The following XPC variants were observed in gnomAD, a reference collection of about 807,000 sequenced individuals.
XPC encodes the protein XPC complex subunit, DNA damage recognition and repair factor, also known as DNA repair protein complementing XP-C cells.
A neutral mutation model predicts 95.8 loss-of-function variants in XPC; 76 were observed. The observed-to-expected ratio is 0.79, with a 90% CI of 0.66 to 0.96. The LOEUF is 0.96. Ranked by LOEUF, XPC falls within the 40% of genes least tolerant of loss-of-function variation. The pLI is 0.00. For synonymous variants in XPC, 442 were observed against 442.1 expected (o/e 1.00, Z 0.00); for missense variants, 1,146 against 1,179.8 (o/e 0.97, Z 0.42).
chr3:14,153,220 G>A (rs1002718549), intron 10 of XPC: 1 of 152,294 alleles, frequency 6.6e-6, no homozygotes, highest in Non-Finnish European at 1.5e-5. Flanking sequence ...CACAATGGAT[G>A]GAGGTTGAAC....
intron 5 of XPC, among the ~76,000 whole-genome samples, chr3:14,166,529 C>T (rs1696386415): frequency 6.7e-6 from 1 of 148,734 alleles, no homozygotes; most frequent in South Asian, 2.2e-4. Flanking sequence ...CACCCCCCAA[C>T]ACCTACATAC....
chr3:14,169,087 GAA>G (rs1388859491), intron 3 of XPC, among the ~76,000 whole-genome samples: 14 of 151,978 alleles, frequency 9.2e-5, no homozygotes, highest in Non-Finnish European at 1.9e-4. Context: ...GCTTCTTGAA[GAA>G]AAAAAGGCTG....
chr3:14,146,687 C>CA (rs1007918149), intron 15 of XPC, among the ~76,000 whole-genome samples: 2 of 151,958 alleles, frequency 1.3e-5, no homozygotes, highest in Admixed American at 6.6e-5. Context: ...AGGAGCGTGA[C>CA]AAAAAAATGT....
At chr3:14,159,924 G>A in intron 7 of XPC, 94 bp from the exon 8 acceptor site, 2 of 1,248,964 alleles carry the variant, frequency 1.6e-6, no homozygotes, top group Non-Finnish European at 2.3e-6. Context: ...TTCAAGACAG[G>A]GAAAAGCTGG....
intron 1 of XPC, among the ~76,000 whole-genome samples, chr3:14,176,245 G>A (rs901588102): frequency 6.6e-6 from 1 of 152,194 alleles, no homozygotes; most frequent in Admixed American, 6.5e-5. Flanking sequence ...GATTAAAACC[G>A]TAAATTTTTA....
chr3:14,178,341 C>T (rs1696924823), intron 1 of XPC, 125 bp downstream of exon 1: 4 of 1,149,514 alleles, frequency 3.5e-6, no homozygotes, highest in Non-Finnish European at 4.7e-6. Flanking sequence ...CCGGGCTGCC[C>T]CCACGGCGCG....
intron 11 of XPC, among the ~76,000 whole-genome samples, chr3:14,150,615 C>T (rs1286625953): frequency 1.3e-5 from 2 of 152,226 alleles, no homozygotes; most frequent in African/African-American, 4.8e-5. Context: ...GGAGCGAGGA[C>T]AGTCTTTGCT....
intron 7 of XPC, among the ~76,000 whole-genome samples, chr3:14,160,297 G>A (rs959780997): frequency 3.0e-4 from 45 of 152,240 alleles, no homozygotes; most frequent in African/African-American, 9.6e-4. Context: ...TATCATTATC[G>A]TCAGATCACC....
rs1468050648 is a variant in XPC, at chr3:14,147,954, G to C, written c.2468C>G (p.Thr823Ser). 2 of 1,603,290 alleles carry C rather than the reference G, an allele frequency of 1.2e-6. No individual in the cohort carries two copies. The highest frequency in any genetic ancestry group is 1.7e-6 in the Non-Finnish European group (2 of 1,174,634). ...GACTGCCTGCTCATTTTCCCAGGCA[G>C]TCAGGAGCACGTCTTTGAATTCCTC... ...VCEEFKDVLL[T>S]AWENEQAVIE... The change falls in exon 14 of 16, where the codon ACT becomes AGT. Residue 823 changes from threonine (T) to serine (S), a missense_variant. Physicochemically the swap from Thr to Ser is moderately conservative, Grantham distance 58. Coordinates refer to ENST00000285021, the MANE Select transcript of XPC (RefSeq NM_004628.5).
intron 15 of XPC, 117 bp downstream of exon 15, chr3:14,147,173 T>C: frequency 9.1e-7 from 1 of 1,098,290 alleles, no homozygotes. Context: ...TGAGGTGTCC[T>C]AACACAAAGC....
intron 11 of XPC, among the ~76,000 whole-genome samples, chr3:14,150,780 G>C (rs1370137799): frequency 2.0e-5 from 3 of 152,226 alleles, no homozygotes; most frequent in Non-Finnish European, 4.4e-5. Flanking sequence ...CCTGAGCAGA[G>C]GCTTAAAGGG....
intron 5 of XPC, among the ~76,000 whole-genome samples, chr3:14,166,489 G>A (rs1226770590): frequency 2.0e-5 from 3 of 151,930 alleles, no homozygotes; most frequent in African/African-American, 7.3e-5. Flanking sequence ...TCCATCAAAG[G>A]GAAACCAAAG....
chr3:14,145,866 G>A lies in XPC; in HGVS notation c.*75C>T, dbSNP rs1695405300. ...AGAAGCCCCCACCACCAGGGGCTGG[G>A]CATGCCCAGGGCAGGTGTGGGGCCT... On this transcript the variant is annotated 3_prime_UTR_variant, in exon 16 of 16. Transcript: ENST00000285021. 1 of 1,533,314 alleles carries A rather than the reference G, an allele frequency of 6.5e-7. No homozygotes were observed. The highest frequency in any genetic ancestry group is 8.9e-7 in the Non-Finnish European group (1 of 1,124,468). The allele number at this position is 1,533,314 out of a possible 1,614,324, so 95.0% of individuals were successfully genotyped here.
Position 14,158,147 on chromosome 3 carries a change from C to T in XPC, c.1736G>A (p.Arg579Gln). ...VVGIDSDGWV[R>Q]DVTQRYDPVW... ...TGGGTCGTACCTCTGTGTGACATCT[C>T]GGACCCAGCCGTCACTGTCAATGCC... Residue 579 changes from arginine to glutamine, a missense_variant, in exon 9 of 16, where the codon CGA becomes CAA. By Grantham distance (43) the Arg-to-Gln change is conservative. Transcript: ENST00000285021. This position sits in a 1 kb window ranked among gnomAD's most constrained non-coding sequence, Gnocchi z 5.2. 1.9e-6 allele frequency: 3 copies of T among 1,613,956 alleles called. No individual in the cohort carries two copies. Among genetic ancestry groups the T allele is most frequent in the African/African-American group, 1.3e-5 (1 of 75,030 alleles).
In XPC at chr3:14,149,056, G is replaced by A; in HGVS notation, c.2116-108C>T. 3 of 1,471,726 alleles carry A rather than the reference G, an allele frequency of 2.0e-6. 1 individual carries two copies. The highest frequency in any genetic ancestry group is 2.6e-5 in the South Asian group (2 of 77,110). 91.2% of individuals were successfully genotyped at this position (1,471,726 alleles called of 1,614,324 possible). On this transcript the variant is annotated intron_variant, in intron 11 of 15. Coordinates refer to ENST00000285021, the MANE Select transcript of XPC (RefSeq NM_004628.5). Reference sequence around the variant, plus strand: ...ATGCCTGGTACCTGGTGAACCCTCAGAACACACCTACCAGCTGGGGTGCTT... The same window carrying A: ...ATGCCTGGTACCTGGTGAACCCTCAAAACACACCTACCAGCTGGGGTGCTT...
chr3:14,162,681 G>T (rs1696210082), intron 7 of XPC, among the ~76,000 whole-genome samples: 1 of 152,044 alleles, frequency 6.6e-6, no homozygotes, highest in African/African-American at 2.4e-5. Context: ...GAAAACACAG[G>T]GGTCGATCTT....
intron 2 of XPC, among the ~76,000 whole-genome samples, chr3:14,171,930 T>C (rs1696631909): frequency 6.6e-6 from 1 of 152,096 alleles, no homozygotes; most frequent in Admixed American, 6.5e-5. Context: ...CCCGTGTCCC[T>C]TCCTGTGCCC....
In XPC at chr3:14,165,422, C is replaced by T; in HGVS notation, c.779+6G>A. On this transcript the variant is annotated splice_donor_region_variant and intron_variant, in intron 6 of 15. Coordinates refer to ENST00000285021, the MANE Select transcript of XPC (RefSeq NM_004628.5). ...CCAGCTCTGCAGGACAAGCGGAGGG[C>T]CTTACCACTTCACCAGGTTTGAGAG... 6.3e-7 allele frequency: 1 copy of T among 1,585,896 alleles called. No homozygotes were observed.
Position 14,178,517 on chromosome 3 carries a change from T to C in XPC, c.52A>G (p.Ser18Gly). 1 of 1,612,914 alleles carries C rather than the reference T, an allele frequency of 6.2e-7. No homozygotes were observed. Among genetic ancestry groups the C allele is most frequent in the Non-Finnish European group, 8.5e-7 (1 of 1,179,556 alleles). Residue 18 changes from serine to glycine, a missense_variant, in exon 1 of 16, where the codon AGC becomes GGC. Physicochemically the swap from Ser to Gly is moderately conservative, Grantham distance 56. Transcript: ENST00000285021. The stretch of plus-strand genomic sequence containing the variant: ...TTGCTCTTGGCCTTGGATTTCTGGC[T>C]GCGCAGTTCGCGTCCCCGCGGCTCC... ...GGEPRGRELR[S>G]QKSKAKSKAR... is the part of the protein sequence containing the mutation.
Sources: gnomAD v4.1 joint callset for allele counts (sites outside exome capture counted in the v4.1 genomes callset) on GRCh38, gnomAD v4.1.1 for gene constraint, Gnocchi (gnomAD v3.1) non-coding constraint, MANE v1.5 for transcripts, NCBI Gene and HGNC (gene_info 2026-07-23, HGNC 2026-07-21) for gene names.